Variants in DOCK8 observed in about 807,000 individuals in gnomAD.
The protein encoded by DOCK8 is dedicator of cytokinesis 8.
A neutral mutation model predicts 245.6 loss-of-function variants in DOCK8; 141 were observed. The ratio of observed to expected loss-of-function variants is 0.57; its 90% CI spans 0.50 to 0.66. The LOEUF is 0.66. Among genes scored for constraint, DOCK8 ranks in the 30% least tolerant of loss-of-function variants. The pLI is 0.00. For synonymous variants in DOCK8, 1,168 were observed against 970.2 expected, an observed-to-expected ratio of 1.20 and a Z score of -3.79; for missense variants, 2,965 against 2,603.4, an observed-to-expected ratio of 1.14 and a Z score of -3.02.
In DOCK8 at chr9:267,565, G is replaced by A. The variant is rs7875847; in HGVS notation, c.54-4062G>A. ...CTTCACAGGAGACAGACCTGAATGAGGTAGTTATTAAACTACTTTCTGACT... is the reference window on the plus strand; with the variant it reads ...CTTCACAGGAGACAGACCTGAATGAAGTAGTTATTAAACTACTTTCTGACT... On this transcript the variant is annotated intron_variant, in intron 1 of 47. Coordinates refer to ENST00000432829, the MANE Select transcript of DOCK8 (RefSeq NM_203447.4). 5.6e-3 allele frequency among the ~76,000 whole-genome samples: 852 copies of A among 152,204 alleles called. 7 individuals are homozygous for A. The highest frequency in any genetic ancestry group is 0.019 in the African/African-American group (807 of 41,504).
chr9:307,347 T>G (rs867114221), intron 5 of DOCK8, among the ~76,000 whole-genome samples: 175 of 8,012 alleles, frequency 0.022, no homozygotes, highest in East Asian at 0.11. Context: ...TGTTTTTTTT[T>G]TTTTTTTTTT....
chr9:429,367 T>C (rs2056623587), intron 35 of DOCK8, among the ~76,000 whole-genome samples: 1 of 152,226 alleles, frequency 6.6e-6, no homozygotes, highest in Non-Finnish European at 1.5e-5. Context: ...AGGACCATTT[T>C]CTCTTTCTTC....
intron 23 of DOCK8, among the ~76,000 whole-genome samples, chr9:388,281 C>A (rs1212292908): frequency 1.3e-5 from 2 of 152,154 alleles, no homozygotes; most frequent in African/African-American, 4.8e-5. Flanking sequence ...ACTTCAGACT[C>A]ACAACAGCAA....
Position 377,171 on chromosome 9 carries a change from C to G in DOCK8, c.2400C>G (p.Phe800Leu). 1 of 1,603,338 alleles carries G rather than the reference C, an allele frequency of 6.2e-7. No homozygotes were observed. Among genetic ancestry groups the G allele is most frequent in the Non-Finnish European group, 8.5e-7 (1 of 1,179,308 alleles). The change falls in exon 20 of 48, where the codon TTC (phenylalanine) becomes TTG (leucine). Residue 800 changes from phenylalanine to leucine, a missense_variant. By Grantham distance (22) the Phe-to-Leu change is conservative. This residue lies in a region of DOCK8 where 2,825 missense variants were observed against 2,453.5 expected (regional missense o/e 1.15). Transcript: ENST00000432829. ...TGCACCTGGTGCTGGACAAGCTCTT[C>G]CAGCTGTCCGTGCAGCCCATGGTCA... ...LFLHLVLDKL[F>L]QLSVQPMVIA... is the part of the protein sequence containing the mutation.
At chr9:263,588 C>G (rs2047971689) in intron 1 of DOCK8, among the ~76,000 whole-genome samples, 1 of 152,130 alleles carries the variant, frequency 6.6e-6, no homozygotes, top group African/African-American at 2.4e-5. Context: ...TTTGGGATTG[C>G]TTTTCTTCTG....
intron 7 of DOCK8, among the ~76,000 whole-genome samples, chr9:325,096 GAATA>G (rs1310901852): frequency 6.6e-6 from 1 of 151,092 alleles, no homozygotes; most frequent in Non-Finnish European, 1.5e-5. Context: ...ACTTCACTCA[GAATA>G]ACAACCCCCG....
chr9:400,025 C>CACCACCTCCTT (rs2054700338), intron 26 of DOCK8, among the ~76,000 whole-genome samples: 1 of 91,044 alleles, frequency 1.1e-5, no homozygotes, highest in African/African-American at 5.8e-5. Flanking sequence ...ACCACCACCT[C>CACCACCTCCTT]CACCATCACC....
chr9:252,029 A>G (rs1041793611), intron 1 of DOCK8, among the ~76,000 whole-genome samples: 1 of 143,976 alleles, frequency 6.9e-6, no homozygotes, highest in Non-Finnish European at 1.5e-5. Flanking sequence ...GATGGAGTGC[A>G]GTGGTGAGAT....
chr9:264,198 A>G (rs2047985139), intron 1 of DOCK8, among the ~76,000 whole-genome samples: 2 of 152,246 alleles, frequency 1.3e-5, no homozygotes, highest in South Asian at 4.1e-4. Context: ...TGATTATATC[A>G]AGAAGGAAAC....
chr9:317,781 A>G (rs1210783466), intron 7 of DOCK8, among the ~76,000 whole-genome samples: 3 of 152,020 alleles, frequency 2.0e-5, no homozygotes, highest in African/African-American at 7.2e-5. Flanking sequence ...TGTCTTTTCT[A>G]TTTTTTCAAG....
chr9:271,695 G>A lies in DOCK8; in HGVS notation c.122G>A (p.Ser41Asn). 6.4e-7 allele frequency: 1 copy of A among 1,551,752 alleles called. No homozygotes were observed. The highest frequency in any genetic ancestry group is 1.4e-5 in the African/African-American group (1 of 73,150). The part of the protein sequence containing the change: ...PPNLGQYHRQ[S>N]ISTSGFPSLQ... Reference sequence around the variant, plus strand: ...AACCTTGGCCAGTACCATCGACAGAGCATAAGTACCTCTGGCTTCCCCTCT... The same window carrying A: ...AACCTTGGCCAGTACCATCGACAGAACATAAGTACCTCTGGCTTCCCCTCT... Residue 41 changes from serine to asparagine, a missense_variant, in exon 2 of 48, where the codon AGC becomes AAC. Transcript: ENST00000432829.
chr9:376,912 T>C (rs2053540988), intron 19 of DOCK8, 65 bp from the exon 20 acceptor site: 2 of 1,413,606 alleles, frequency 1.4e-6, no homozygotes, highest in African/African-American at 1.4e-5. Flanking sequence ...TCGATTGTGT[T>C]TGTGAATCCA....
intron 2 of DOCK8, among the ~76,000 whole-genome samples, chr9:276,623 G>A (rs1399097078): frequency 2.6e-5 from 4 of 152,168 alleles, no homozygotes. Context: ...AGGGCTAGAA[G>A]GCAGCTGTGG....
At chr9:396,576 A>T (rs190766223) in intron 24 of DOCK8, among the ~76,000 whole-genome samples, 42 of 152,286 alleles carry the variant, frequency 2.8e-4, no homozygotes, top group Admixed American at 2.6e-3. Flanking sequence ...GGTCAAAAAG[A>T]GGACACCCTT....
upstream of DOCK8, chr9:214,756 G>C (rs750285980): frequency 3.6e-5 from 55 of 1,530,310 alleles, no homozygotes; most frequent in Admixed American, 1.2e-3. Context: ...GCCGCTGCCT[G>C]CGCGCCAGGC....
chr9:444,751 A>G (rs2131832000), intron 43 of DOCK8, among the ~76,000 whole-genome samples: 1 of 152,290 alleles, frequency 6.6e-6, no homozygotes, highest in Non-Finnish European at 1.5e-5. Context: ...TCACTGAGGA[A>G]ATTCTAAGTG....
chr9:294,963 C>T (rs1305984928), intron 4 of DOCK8, among the ~76,000 whole-genome samples: 1 of 152,110 alleles, frequency 6.6e-6, no homozygotes, highest in Non-Finnish European at 1.5e-5. Flanking sequence ...AGTTCCAGAC[C>T]AGCCTGACCA....
chr9:414,748 C>A, intron 28 of DOCK8, 34 bp from the exon 29 acceptor site: 1 of 1,613,934 alleles, frequency 6.2e-7, no homozygotes, highest in Non-Finnish European at 8.5e-7. Context: ...TTTCCTTTCA[C>A]CATAACCTCT....
In DOCK8 at chr9:464,487, A is replaced by T; in HGVS notation, c.*268A>T. 1.8e-6 allele frequency: 1 copy of T among 544,824 alleles called. No individual in the cohort carries two copies. The highest frequency in any genetic ancestry group is 3.3e-6 in the Non-Finnish European group (1 of 302,106). The allele number at this position is 544,824 out of a possible 1,614,324, so 33.7% of individuals were successfully genotyped here. ...ATTAAAGTGTGTTTTTCCACAATGT[A>T]CCAAACAAGGCATAAGCAGCTTCTC... On this transcript the variant is annotated 3_prime_UTR_variant, in exon 48 of 48. Coordinates refer to ENST00000432829, the MANE Select transcript of DOCK8 (RefSeq NM_203447.4).
Sources: gnomAD v4.1 joint callset for allele counts (sites outside exome capture counted in the v4.1 genomes callset) on GRCh38, gnomAD v4.1.1 for gene constraint, gnomAD v4.1.1 regional missense constraint, MANE v1.5 for transcripts, NCBI Gene and HGNC (gene_info 2026-07-23, HGNC 2026-07-21) for gene names.